IGHMBP2: variants seen among roughly 807,000 people sequenced by gnomAD.
IGHMBP2 encodes DNA-binding protein SMUBP-2.
In IGHMBP2, 81 loss-of-function variants were observed where a neutral mutation model predicts 96.0. The observed-to-expected ratio is 0.84, with a 90% confidence interval of 0.71 to 1.01. The LOEUF is 1.01. Among genes scored for constraint, IGHMBP2 ranks in the 50% least tolerant of loss-of-function variants. The pLI is 0.00. For synonymous variants in IGHMBP2, 557 were observed against 548.9 expected (o/e 1.01, Z -0.21); for missense variants, 1,227 against 1,306.3 (o/e 0.94, Z 0.94).
rs536556753 is a variant in IGHMBP2 at position 68,936,296 on chromosome 11, C to A, written c.1816C>A (p.Arg606Ser). The A allele has an allele frequency of 1.2e-6, 2 of 1,614,158 alleles. No homozygotes were observed. The highest frequency in any genetic ancestry group is 1.7e-6 in the Non-Finnish European group (2 of 1,179,978). ...CAACGTGGCTGTCACCCGTGCCCGACGCCACGTGGCGGTCATCTGTGACTC... is the reference window on the plus strand; with the variant it reads ...CAACGTGGCTGTCACCCGTGCCCGAAGCCACGTGGCGGTCATCTGTGACTC... ...RINVAVTRARRHVAVICDSRT... is the reference protein window; with the variant it reads ...RINVAVTRARSHVAVICDSRT... Residue 606 changes from arginine to serine, a missense_variant, in exon 13 of 15, where the codon CGC (arginine) becomes AGC (serine). By Grantham distance (110) the Arg-to-Ser change is moderately radical (BLOSUM62 -1). This residue lies in a region of IGHMBP2 where 703 missense variants were observed against 770.3 expected (regional missense o/e 0.91). Coordinates refer to ENST00000255078, the MANE Select transcript of IGHMBP2 (RefSeq NM_002180.3).
intron 8 of IGHMBP2, chr11:68,929,786 C>G: frequency 2.0e-6 from 2 of 985,442 alleles, no homozygotes; most frequent in African/African-American, 3.5e-5. Context: ...AGAGACTCAG[C>G]AAACCATGGT....
At position 68,927,129 on chromosome 11, in the gene IGHMBP2, C is replaced by T. The variant is rs192291906; in HGVS notation, c.1061-2054C>T. ...CATATTTTCCTGACTCTCTACGTGC[C>T]TTGTAGTTTTTTGTTGAAAATGGAT... On this transcript the variant is annotated intron_variant, in intron 7 of 14. Coordinates refer to ENST00000255078, the MANE Select transcript of IGHMBP2 (RefSeq NM_002180.3). Among the ~76,000 whole-genome samples the T allele has an allele frequency of 1.7e-3, 254 of 152,258 alleles. 5 individuals carry two copies. Among genetic ancestry groups the T allele is most frequent in the Admixed American group, 0.014 (212 of 15,284 alleles).
Position 68,929,252 on chromosome 11 carries a change from G to A in IGHMBP2, c.1130G>A (p.Cys377Tyr), listed in dbSNP as rs760811074. Residue 377 changes from cysteine to tyrosine, a missense_variant, in exon 8 of 15, where the codon TGT becomes TAT. This residue lies in a region of IGHMBP2 where 507 missense variants were observed against 496.9 expected (regional missense o/e 1.02). Coordinates refer to ENST00000255078, the MANE Select transcript of IGHMBP2 (RefSeq NM_002180.3). ...TTCGACGTGGTGGTCATTGACGAGTGTGCCCAGGCCCTCGAGGCGAGCTGC... is the reference window on the plus strand; with the variant it reads ...TTCGACGTGGTGGTCATTGACGAGTATGCCCAGGCCCTCGAGGCGAGCTGC... ...SYFDVVVIDECAQALEASCWI... is the reference protein window; with the variant it reads ...SYFDVVVIDEYAQALEASCWI... The A allele has an allele frequency of 2.5e-6, 4 of 1,613,830 alleles. No homozygotes were observed. The Admixed American group carries it at 5.0e-5, about 20-fold the overall frequency.
chr11:68,926,976 C>A (rs547421730), intron 7 of IGHMBP2, among the ~76,000 whole-genome samples: 6 of 152,142 alleles, frequency 3.9e-5, no homozygotes, highest in Admixed American at 1.3e-4. Flanking sequence ...GTTGGCCAGG[C>A]AGGTGTCGAA....
At chr11:68,924,898 C>G (rs1482168668) in intron 7 of IGHMBP2, among the ~76,000 whole-genome samples, 2 of 152,136 alleles carry the variant, frequency 1.3e-5, no homozygotes, top group South Asian at 2.1e-4. Context: ...GCCCAGGATA[C>G]TTTGAATGTG....
intron 5 of IGHMBP2, among the ~76,000 whole-genome samples, chr11:68,913,060 A>AAAAAAAAAC (rs1311222156): frequency 3.3e-5 from 5 of 150,602 alleles, no homozygotes; most frequent in East Asian, 1.9e-4. Context: ...AAAAAAAAAA[A>AAAAAAAAAC]AAAAAAAACC....
Position 68,939,720 on chromosome 11 carries a change from AG to A in IGHMBP2, c.2976del (p.Thr993ArgfsTer131). On this transcript the variant is annotated frameshift_variant, in exon 15 of 15. Transcript: ENST00000255078. LOFTEE classifies it high-confidence loss of function. ...SNQRTSRRKE[R>X]GT ...CCAGAGGACCAGCCGGAGGAAGGAG[AG>A]GGGGACGTGACCGGCCGCATCCTTG... 1.9e-6 allele frequency: 3 copies of A among 1,610,020 alleles called. No homozygotes were observed. Among genetic ancestry groups the A allele is most frequent in the Non-Finnish European group, 2.5e-6 (3 of 1,178,768 alleles).
rs546701910 is a variant in IGHMBP2, at chr11:68,918,317, A to G, written c.1060+434A>G. On this transcript the variant is annotated intron_variant, in intron 7 of 14. Coordinates refer to ENST00000255078, the MANE Select transcript of IGHMBP2 (RefSeq NM_002180.3). ...GGAGGGTTTTTTTTTTTAAATTTAG[A>G]TTTTATATATACATACATATATATT... Among the ~76,000 whole-genome samples the G allele has an allele frequency of 5.9e-4, 87 of 146,836 alleles. 1 individual carries two copies. Among genetic ancestry groups the G allele is most frequent in the Middle Eastern group, 3.5e-3 (1 of 284 alleles).
rs1859692036 is a variant in IGHMBP2 at position 68,939,945 on chromosome 11, C to G, written c.*214C>G. The G allele has an allele frequency of 1.7e-6, 1 of 595,006 alleles. No homozygotes were observed. The highest frequency in any genetic ancestry group is 1.9e-5 in the African/African-American group (1 of 53,688). The allele number at this position is 595,006 out of a possible 1,614,324, so 36.9% of individuals were successfully genotyped here. On this transcript the variant is annotated 3_prime_UTR_variant, in exon 15 of 15. Coordinates refer to ENST00000255078, the MANE Select transcript of IGHMBP2 (RefSeq NM_002180.3). ...GGAAAGCACCTGGGGGACAACAGTGCTCGTGCAGGTGGGGCTTGGGAAATG... is the reference window on the plus strand; with the variant it reads ...GGAAAGCACCTGGGGGACAACAGTGGTCGTGCAGGTGGGGCTTGGGAAATG...
At position 68,936,274 on chromosome 11, in the gene IGHMBP2, C is replaced by T. The variant is rs1337346956; in HGVS notation, c.1794C>T (p.Asn598=). Residue 598 remains asparagine, a synonymous_variant, in exon 13 of 15, where the codon AAC becomes AAT. Transcript: ENST00000255078. ...VGFLAEDRRI[N]VAVTRARRHV... is the part of the protein sequence containing the mutation. ...TTCTTGCTGAGGACCGGAGGATCAA[C>T]GTGGCTGTCACCCGTGCCCGACGCC... 20 of 1,614,070 alleles carry T rather than the reference C, an allele frequency of 1.2e-5. No homozygotes were observed. In the African/African-American group the frequency reaches 1.5e-4, roughly 12 times the overall value.
rs1858600192 is a variant in IGHMBP2 at position 68,915,113 on chromosome 11, G to C, written c.912+90G>C. The C allele has an allele frequency of 5.4e-6, 5 of 921,596 alleles. No homozygotes were observed. The South Asian group carries it at 6.9e-5, about 13-fold the overall frequency. 57.1% of individuals were successfully genotyped at this position (921,596 alleles called of 1,614,324 possible). Reference sequence around the variant, plus strand: ...AAATTTATCTGTCTGCATTCCTCTTGACCTTCTCTTGCTTCTGTCGATTCC... The same window carrying C: ...AAATTTATCTGTCTGCATTCCTCTTCACCTTCTCTTGCTTCTGTCGATTCC... On this transcript the variant is annotated intron_variant, in intron 6 of 14. Coordinates refer to ENST00000255078, the MANE Select transcript of IGHMBP2 (RefSeq NM_002180.3).
At chr11:68,905,989 C>G in intron 1 of IGHMBP2, 80 bp from the exon 2 acceptor site, 6 of 1,386,852 alleles carry the variant, frequency 4.3e-6, no homozygotes, top group Non-Finnish European at 6.1e-6. Flanking sequence ...ATCTATGTTT[C>G]TTTCTCTTTT....
chr11:68,908,505 G>A (rs1858292774), intron 3 of IGHMBP2, 29 bp from the exon 4 acceptor site: 2 of 1,575,602 alleles, frequency 1.3e-6, no homozygotes, highest in African/African-American at 1.3e-5. Flanking sequence ...AATTGCAGGT[G>A]TTCTAATTTT....
chr11:68,927,018 C>G (rs549182361), intron 7 of IGHMBP2, among the ~76,000 whole-genome samples: 9 of 152,342 alleles, frequency 5.9e-5, no homozygotes, highest in Admixed American at 1.3e-4. Context: ...CAACCTTGGC[C>G]TCCCAAAGTG....
chr11:68,914,942 G>A lies in IGHMBP2; in HGVS notation c.831G>A (p.Gln277=). The A allele has an allele frequency of 6.2e-7, 1 of 1,614,154 alleles. No homozygotes were observed. Among genetic ancestry groups the A allele is most frequent in the Non-Finnish European group, 8.5e-7 (1 of 1,180,018 alleles). ...CCCGCCTCCTGGAGTCCATTCAGCA[G>A]CACTCCCTGGATGCGGTTTTAGCGC... ...HPARLLESIQ[Q]HSLDAVLARS... Residue 277 remains glutamine (Q), a synonymous_variant, in exon 6 of 15, where the codon CAG becomes CAA. Coordinates refer to ENST00000255078, the MANE Select transcript of IGHMBP2 (RefSeq NM_002180.3).
Position 68,926,834 on chromosome 11 carries a change from C to T in IGHMBP2, c.1061-2349C>T, listed in dbSNP as rs1394831423. Among the ~76,000 whole-genome samples the T allele has an allele frequency of 3.3e-5, 5 of 152,066 alleles. No homozygotes were observed. In the South Asian group the frequency reaches 6.2e-4, roughly 19 times the overall value. On this transcript the variant is annotated intron_variant, in intron 7 of 14. Coordinates refer to ENST00000255078, the MANE Select transcript of IGHMBP2 (RefSeq NM_002180.3). ...AGGCTGGAGTGCCGTAGCGTGATCT[C>T]GGCCTGCTGCAACCTCCGTCTCCTA...
chr11:68,909,272 C>T (rs147694719), intron 4 of IGHMBP2, among the ~76,000 whole-genome samples: 6,586 of 150,854 alleles, frequency 0.044, 492 homozygotes, highest in African/African-American at 0.15. Flanking sequence ...CTCCGCCTCC[C>T]GGGCTCAAGT....
intron 6 of IGHMBP2, among the ~76,000 whole-genome samples, chr11:68,915,885 A>T (rs1858644813): frequency 6.6e-6 from 1 of 151,194 alleles, no homozygotes; most frequent in African/African-American, 2.4e-5. Context: ...TAAAGAAAAC[A>T]TTTTCCGGCC....
Position 68,936,273 on chromosome 11 carries a change from A to G in IGHMBP2, c.1793A>G (p.Asn598Ser). The change falls in exon 13 of 15, where the codon AAC becomes AGC. Residue 598 changes from asparagine (N) to serine (S), a missense_variant. This residue lies in a region of IGHMBP2 where 703 missense variants were observed against 770.3 expected (regional missense o/e 0.91). Transcript: ENST00000255078. Reference protein sequence around the residue: ...VGFLAEDRRINVAVTRARRHV... With the variant: ...VGFLAEDRRISVAVTRARRHV... ...TTTCTTGCTGAGGACCGGAGGATCA[A>G]CGTGGCTGTCACCCGTGCCCGACGC... 6.2e-7 allele frequency: 1 copy of G among 1,614,186 alleles called. No homozygotes were observed. Among genetic ancestry groups the G allele is most frequent in the Non-Finnish European group, 8.5e-7 (1 of 1,180,022 alleles).
Sources: gnomAD v4.1 joint callset for allele counts (sites outside exome capture counted in the v4.1 genomes callset) on GRCh38, gnomAD v4.1.1 for gene constraint, gnomAD v4.1.1 regional missense constraint, MANE v1.5 for transcripts, NCBI Gene and HGNC (gene_info 2026-07-23, HGNC 2026-07-21) for gene names.